Variants in SMYD3 observed in about 807,000 individuals in gnomAD.
The protein encoded by SMYD3 is histone-lysine N-methyltransferase SMYD3.
Under a neutral mutation model 57.7 loss-of-function variants are expected in SMYD3, and 36 were observed. The observed-to-expected ratio is 0.62, with a 90% CI of 0.48 to 0.82. The LOEUF (loss-of-function observed/expected upper bound fraction) is 0.82. Among genes scored for constraint, SMYD3 ranks in the 40% least tolerant of loss-of-function variants. SMYD3 has a pLI of 0.00. For synonymous variants in SMYD3, 211 were observed against 195.0 expected (o/e 1.08, Z -0.68); for missense variants, 515 against 538.8 (o/e 0.96, Z 0.44).
At chr1:245,806,888 G>A (rs1423536482) in intron 10 of SMYD3, among the ~76,000 whole-genome samples, 8 of 127,918 alleles carry the variant, frequency 6.3e-5, no homozygotes, top group Non-Finnish European at 1.1e-4. Flanking sequence ...CCGCAATCCG[G>A]CCTGGGCGAC....
At chr1:246,008,068 G>C (rs1317660372) in intron 5 of SMYD3, among the ~76,000 whole-genome samples, 2 of 152,158 alleles carry the variant, frequency 1.3e-5, no homozygotes. Context: ...ACTGTCCTAC[G>C]AAGACAGCCA....
chr1:245,821,066 C>A (rs1270096053), intron 10 of SMYD3, among the ~76,000 whole-genome samples: 1 of 150,224 alleles, frequency 6.7e-6, no homozygotes, highest in Non-Finnish European at 1.5e-5. Context: ...CATATGGAAC[C>A]AAAAAAGAGC....
At chr1:246,015,148 G>A (rs2059356975) in intron 5 of SMYD3, among the ~76,000 whole-genome samples, 1 of 152,122 alleles carries the variant, frequency 6.6e-6, no homozygotes, top group African/African-American at 2.4e-5. Context: ...GAAGAAGGGT[G>A]TATACATCTG....
intron 10 of SMYD3, among the ~76,000 whole-genome samples, chr1:245,792,227 C>T (rs77744432): frequency 0.043 from 6,479 of 152,196 alleles, 471 homozygotes; most frequent in African/African-American, 0.15. Flanking sequence ...ATGAGTGTTA[C>T]CTCAATTAAT....
chr1:246,201,343 C>T (rs12089532), intron 5 of SMYD3, among the ~76,000 whole-genome samples: 19,397 of 152,102 alleles, frequency 0.13, 3,211 homozygotes, highest in African/African-American at 0.38. Context: ...TTTAAACCAG[C>T]GCAAGCCCAG....
intron 5 of SMYD3, among the ~76,000 whole-genome samples, chr1:246,095,123 G>A (rs2060891139): frequency 6.6e-6 from 1 of 152,074 alleles, no homozygotes; most frequent in African/African-American, 2.4e-5. Flanking sequence ...TCGCATCAAT[G>A]ATGCCCAGCA....
At chr1:245,814,861 A>C (rs1191811049) in intron 10 of SMYD3, among the ~76,000 whole-genome samples, 1 of 144,748 alleles carries the variant, frequency 6.9e-6, no homozygotes, top group Non-Finnish European at 1.5e-5. Flanking sequence ...CACACACGCA[A>C]GCACACACAC....
intron 10 of SMYD3, among the ~76,000 whole-genome samples, chr1:245,767,124 G>A (rs1433229625): frequency 6.6e-6 from 1 of 152,212 alleles, no homozygotes; most frequent in African/African-American, 2.4e-5. Flanking sequence ...ACTTCATGGT[G>A]TAGAGCAGGG....
intron 5 of SMYD3, among the ~76,000 whole-genome samples, chr1:246,101,614 T>C (rs2061017515): frequency 6.6e-6 from 1 of 152,260 alleles, no homozygotes; most frequent in African/African-American, 2.4e-5. Context: ...TAATTGTACA[T>C]TGAAAATGGT....
intron 5 of SMYD3, among the ~76,000 whole-genome samples, chr1:246,088,460 A>C (rs1177920302): frequency 7.1e-6 from 1 of 140,800 alleles, no homozygotes; most frequent in Non-Finnish European, 1.5e-5. Context: ...ATACAAAAAA[A>C]TTAGCCGGGC....
intron 6 of SMYD3, among the ~76,000 whole-genome samples, chr1:245,928,538 G>A (rs1440865583): frequency 2.6e-5 from 4 of 152,140 alleles, no homozygotes; most frequent in African/African-American, 9.7e-5. Context: ...GCTGGGTGTG[G>A]TGGCACATGC....
intron 10 of SMYD3, among the ~76,000 whole-genome samples, chr1:245,821,499 G>C (rs1483287655): frequency 6.9e-6 from 1 of 145,640 alleles, no homozygotes; most frequent in Non-Finnish European, 1.5e-5. Flanking sequence ...AGGACTTCAT[G>C]TCTAAAACAC....
At chr1:246,128,464 T>C (rs1273666206) in intron 5 of SMYD3, among the ~76,000 whole-genome samples, 1 of 152,232 alleles carries the variant, frequency 6.6e-6, no homozygotes, top group East Asian at 1.9e-4. Context: ...TACCATTTAC[T>C]GAGTGCTTTC....
intron 5 of SMYD3, among the ~76,000 whole-genome samples, chr1:246,083,150 CT>C (rs1180796976): frequency 6.6e-5 from 10 of 151,970 alleles, no homozygotes; most frequent in South Asian, 2.1e-4. Flanking sequence ...AGGAATGCCT[CT>C]TTGCAGTTGA....
intron 5 of SMYD3, among the ~76,000 whole-genome samples, chr1:246,154,361 T>C (rs781326630): frequency 2.6e-5 from 4 of 152,218 alleles, no homozygotes. Flanking sequence ...AGGTAAGTAA[T>C]CTGCCCCAGT....
At chr1:246,135,191 C>T (rs1220080552) in intron 5 of SMYD3, among the ~76,000 whole-genome samples, 1 of 152,114 alleles carries the variant, frequency 6.6e-6, no homozygotes, top group African/African-American at 2.4e-5. Context: ...GCTTTTGTTT[C>T]AAATCCTTTC....
chr1:246,049,126 T>G (rs1168008400), intron 5 of SMYD3, among the ~76,000 whole-genome samples: 1 of 152,100 alleles, frequency 6.6e-6, no homozygotes, highest in Non-Finnish European at 1.5e-5. Flanking sequence ...GGAGCAAGTG[T>G]GAGCATGAGC....
chr1:245,967,900 GCTTA>G (rs2058196722), intron 5 of SMYD3, among the ~76,000 whole-genome samples: 1 of 152,120 alleles, frequency 6.6e-6, no homozygotes, highest in Non-Finnish European at 1.5e-5. Context: ...TATTTCCATT[GCTTA>G]CTTGTCACTT....
rs1407094542 is a variant in SMYD3 at position 246,203,586 on chromosome 1, TCTCTTC to T, written c.531+123609_531+123614del. On this transcript the variant is annotated intron_variant, in intron 5 of 11. Coordinates refer to ENST00000490107, the MANE Select transcript of SMYD3 (RefSeq NM_001167740.2). The surrounding 1 kb of genome is among the most constrained non-coding windows in gnomAD (Gnocchi z 4.6). ...CCTCTGCGCACATGTGCTGTTGGTGTCTCTTCCTCTTCCTACAAGGACACCAGTCAT... is the reference window on the plus strand; with the variant it reads ...CCTCTGCGCACATGTGCTGTTGGTGTCTCTTCCTACAAGGACACCAGTCAT... Among the ~76,000 whole-genome samples the T allele has an allele frequency of 6.6e-6, 1 of 152,176 alleles. No individual in the cohort carries two copies. The highest frequency in any genetic ancestry group is 1.5e-5 in the Non-Finnish European group (1 of 68,030).
Sources: allele counts gnomAD v4.1 joint callset (sites outside exome capture counted in the v4.1 genomes callset), GRCh38; gene constraint gnomAD v4.1.1; non-coding constraint Gnocchi (gnomAD v3.1); transcripts MANE v1.5; gene names NCBI Gene and HGNC (gene_info 2026-07-23, HGNC 2026-07-21).